The following FOSL2 variants were observed in gnomAD, a reference collection of about 807,000 sequenced individuals.
FOSL2 encodes the protein fos-related antigen 2.
In FOSL2, 3 loss-of-function variants were observed where a neutral mutation model predicts 27.7. That is an observed-to-expected ratio of 0.11 (90% CI 0.05 to 0.28). The LOEUF (loss-of-function observed/expected upper bound fraction) is 0.28. Among genes scored for constraint, FOSL2 ranks in the 10% least tolerant of loss-of-function variants. The pLI is 1.00. For synonymous variants in FOSL2, 179 were observed against 190.1 expected, an observed-to-expected ratio of 0.94 and a Z score of 0.48; for missense variants, 333 against 445.1, an observed-to-expected ratio of 0.75 and a Z score of 2.27.
rs1664124840 is a variant in FOSL2 at position 28,408,314 on chromosome 2, G to A, written c.355-445G>A. Among the ~76,000 whole-genome samples, 1 of 152,230 alleles carries A rather than the reference G, an allele frequency of 6.6e-6. No homozygotes were observed. Among genetic ancestry groups the A allele is most frequent in the Non-Finnish European group, 1.5e-5 (1 of 68,044 alleles). On this transcript the variant is annotated intron_variant, in intron 2 of 3. Coordinates refer to ENST00000264716, the MANE Select transcript of FOSL2 (RefSeq NM_005253.4). This position sits in a 1 kb window ranked among gnomAD's most constrained non-coding sequence, Gnocchi z 4.1. ...TAATGAGGCTTGCAGAGCAGGCAGA[G>A]TGATGGGAGGAGAAATTAGCCAGGG... is the stretch of plus-strand genomic sequence containing the variant.
At chr2:28,397,345 G>T (rs866646248) in intron 1 of FOSL2, among the ~76,000 whole-genome samples, 1 of 152,036 alleles carries the variant, frequency 6.6e-6, no homozygotes, top group Middle Eastern at 3.4e-3. Flanking sequence ...TTAGGAGGGG[G>T]CTTGTTCAGT....
Position 28,413,939 on chromosome 2 carries a change from G to T in FOSL2, c.*1491G>T. ...CCCCCTTTCACGGGGTTGGGGAAGG[G>T]TCCCCCTGGCCTCCAGCAGGAGCAC... On this transcript the variant is annotated 3_prime_UTR_variant, in exon 4 of 4. Transcript: ENST00000264716. The T allele has an allele frequency of 2.5e-6, 1 of 397,748 alleles. No individual in the cohort carries two copies. The highest frequency in any genetic ancestry group is 4.4e-5 in the Admixed American group (1 of 22,740). The allele number at this position is 397,748 out of a possible 1,614,324, so 24.6% of individuals were successfully genotyped here. A position where few individuals can be genotyped will look rare whatever the true frequency, so the allele number is the denominator to read the frequency against.
chr2:28,403,014 C>T (rs901373538), intron 1 of FOSL2, among the ~76,000 whole-genome samples: 3 of 152,122 alleles, frequency 2.0e-5, no homozygotes, highest in Admixed American at 1.3e-4. Context: ...CTTCATCTCA[C>T]CCAGTTTTTA....
intron 1 of FOSL2, among the ~76,000 whole-genome samples, chr2:28,398,265 A>G (rs1395500076): frequency 6.6e-6 from 1 of 152,230 alleles, no homozygotes; most frequent in Non-Finnish European, 1.5e-5. Flanking sequence ...AGGCAAATAT[A>G]TCTGTTCCAA....
Position 28,413,708 on chromosome 2 carries a change from C to A in FOSL2, c.*1260C>A. The A allele has an allele frequency of 2.5e-6, 1 of 399,168 alleles. No homozygotes were observed. Among genetic ancestry groups the A allele is most frequent in the Non-Finnish European group, 4.4e-6 (1 of 226,462 alleles). The allele number at this position is 399,168 out of a possible 1,614,324, so 24.7% of individuals were successfully genotyped here. On this transcript the variant is annotated 3_prime_UTR_variant, in exon 4 of 4. Transcript: ENST00000264716. ...CCTGCCCTCTGTGGTCATCTGCCAC[C>A]TGCTGGATCAAGTGCTTTCTCTTTT...
chr2:28,416,853 A>G lies in FOSL2; in HGVS notation c.*4405A>G, dbSNP rs1443398450. 1.3e-5 allele frequency: 2 copies of G among 151,908 alleles called. No individual in the cohort carries two copies. Among genetic ancestry groups the G allele is most frequent in the Non-Finnish European group, 2.9e-5 (2 of 68,020 alleles). The allele number at this position is 151,908 out of a possible 1,614,324, so 9.4% of individuals were successfully genotyped here. On this transcript the variant is annotated 3_prime_UTR_variant, in exon 4 of 4. Transcript: ENST00000264716. ...GTGCATCTGTATTTGAGATATGTTA[A>G]TGACGTGGAGTAAAGTCAGCTGTAA...
chr2:28,407,166 CCT>C (rs1179753624), intron 2 of FOSL2, among the ~76,000 whole-genome samples: 2 of 152,216 alleles, frequency 1.3e-5, no homozygotes, highest in African/African-American at 4.8e-5. Flanking sequence ...TTCTTTTCTG[CCT>C]CTCATTAGCG....
Position 28,393,139 on chromosome 2 carries a change from G to A in FOSL2, c.-582G>A, listed in dbSNP as rs1663711608. The A allele has an allele frequency of 9.0e-6, 3 of 332,674 alleles. No homozygotes were observed. The highest frequency in any genetic ancestry group is 6.4e-5 in the South Asian group (1 of 15,718). The allele number at this position is 332,674 out of a possible 1,614,324, so 20.6% of individuals were successfully genotyped here. A position where few individuals can be genotyped will look rare whatever the true frequency, so the allele number is the denominator to read the frequency against. On this transcript the variant is annotated 5_prime_UTR_variant, in exon 1 of 4. Coordinates refer to ENST00000264716, the MANE Select transcript of FOSL2 (RefSeq NM_005253.4). The surrounding 1 kb of genome is among the most constrained non-coding windows in gnomAD (Gnocchi z 4.6). Reference sequence around the variant, plus strand: ...GCTCGGGGCCGCGGGACGGGCGCACGCCGCCTTCTCCTAGTCAAGTATCCG... The same window carrying A: ...GCTCGGGGCCGCGGGACGGGCGCACACCGCCTTCTCCTAGTCAAGTATCCG...
At position 28,408,419 on chromosome 2, in the gene FOSL2, T is replaced by C. The variant is rs1572493485; in HGVS notation, c.355-340T>C. Among the ~76,000 whole-genome samples the C allele has an allele frequency of 1.3e-5, 2 of 152,304 alleles. No homozygotes were observed. Among genetic ancestry groups the C allele is most frequent in the East Asian group, 1.9e-4 (1 of 5,172 alleles). ...TCTTGGAGAAGCATCCCCAGCTCCT[T>C]CTCTCTGGCCTGAGCACTGAATCAG... On this transcript the variant is annotated intron_variant, in intron 2 of 3. Coordinates refer to ENST00000264716, the MANE Select transcript of FOSL2 (RefSeq NM_005253.4). The surrounding 1 kb of genome is among the most constrained non-coding windows in gnomAD (Gnocchi z 4.1).
At position 28,393,044 on chromosome 2, in the gene FOSL2, G is replaced by T; in HGVS notation, c.-677G>T. 1.9e-6 allele frequency: 1 copy of T among 530,126 alleles called. No individual in the cohort carries two copies. The highest frequency in any genetic ancestry group is 3.4e-6 in the Non-Finnish European group (1 of 294,790). The allele number at this position is 530,126 out of a possible 1,614,324, so 32.8% of individuals were successfully genotyped here. A position where few individuals can be genotyped will look rare whatever the true frequency, so the allele number is the denominator to read the frequency against. ...GGGGTGCGGGTCTGGGCGCCGGAGC[G>T]GGGAGCGGGGCCGCGTCCCTCTCAG... On this transcript the variant is annotated 5_prime_UTR_variant, in exon 1 of 4. Coordinates refer to ENST00000264716, the MANE Select transcript of FOSL2 (RefSeq NM_005253.4). This position sits in a 1 kb window ranked among gnomAD's most constrained non-coding sequence, Gnocchi z 4.6.
At position 28,411,436 on chromosome 2, in the gene FOSL2, CA is replaced by C. The variant is rs569173870; in HGVS notation, c.463-493del. ...GCAGATCTCTGCAGTACTCACCCCT[CA>C]GGGGTACCGAGGGGGCAGTCCTGGC... On this transcript the variant is annotated intron_variant, in intron 3 of 3. Transcript: ENST00000264716. Among the ~76,000 whole-genome samples the C allele has an allele frequency of 5.0e-3, 756 of 152,258 alleles. 3 individuals are homozygous for C. Among genetic ancestry groups the C allele is most frequent in the Non-Finnish European group, 5.6e-3 (382 of 68,008 alleles).
intron 2 of FOSL2, among the ~76,000 whole-genome samples, chr2:28,407,397 G>GGATTGTCCTCTCTGGTGCTGTGAT (rs1664105826): frequency 6.6e-6 from 1 of 152,200 alleles, no homozygotes; most frequent in Non-Finnish European, 1.5e-5. Flanking sequence ...GACAGGCATG[G>GGATTGTCCTCTCTGGTGCTGTGAT]GATTGTCCTC....
rs150394904 is a variant in FOSL2 at position 28,404,543 on chromosome 2, G to T, written c.354+185G>T. ...AGCTGGAGAGCCAAGACTCAGGCTG[G>T]CTCTGTCATCTCGCTTATGTCCCTT... On this transcript the variant is annotated intron_variant, in intron 2 of 3. Coordinates refer to ENST00000264716, the MANE Select transcript of FOSL2 (RefSeq NM_005253.4). The surrounding 1 kb of genome is among the most constrained non-coding windows in gnomAD (Gnocchi z 4.7). Among the ~76,000 whole-genome samples the T allele has an allele frequency of 1.1e-3, 165 of 152,276 alleles. 1 individual carries two copies. The highest frequency in any genetic ancestry group is 3.8e-3 in the African/African-American group (156 of 41,548).
intron 3 of FOSL2, among the ~76,000 whole-genome samples, chr2:28,411,229 C>G (rs1664191388): frequency 6.6e-6 from 1 of 151,928 alleles, no homozygotes; most frequent in Admixed American, 6.6e-5. Context: ...ATTTGCTGAG[C>G]ACTTCTGAGA....
At chr2:28,407,002 C>T (rs1018836871) in intron 2 of FOSL2, among the ~76,000 whole-genome samples, 3 of 152,206 alleles carry the variant, frequency 2.0e-5, no homozygotes, top group Admixed American at 6.5e-5. Context: ...GTTGATCTCA[C>T]CGCCCCTGAA....
chr2:28,399,062 T>C (rs1420565178), intron 1 of FOSL2, among the ~76,000 whole-genome samples: 11 of 152,222 alleles, frequency 7.2e-5, no homozygotes, highest in South Asian at 6.2e-4. Context: ...GAAAGGGTTC[T>C]TAAAGGGAAA....
At chr2:28,406,476 G>T (rs6547850) in intron 2 of FOSL2, among the ~76,000 whole-genome samples, 72,856 of 152,006 alleles carry the variant, frequency 0.48, 18,730 homozygotes, top group African/African-American at 0.65. Flanking sequence ...TACAGACAAG[G>T]AAACGGAGAC....
At chr2:28,409,549 A>G (rs1664149802) in intron 3 of FOSL2, among the ~76,000 whole-genome samples, 1 of 151,912 alleles carries the variant, frequency 6.6e-6, no homozygotes, top group African/African-American at 2.4e-5. Context: ...GACCTGACCA[A>G]CGTCACGTAA....
At chr2:28,409,751 T>A (rs1234748506) in intron 3 of FOSL2, among the ~76,000 whole-genome samples, 1 of 152,180 alleles carries the variant, frequency 6.6e-6, no homozygotes, top group African/African-American at 2.4e-5. Context: ...GTTATTATAA[T>A]TTTTTTGAGA....
Sources: gnomAD v4.1 joint callset for allele counts (sites outside exome capture counted in the v4.1 genomes callset) on GRCh38, gnomAD v4.1.1 for gene constraint, Gnocchi (gnomAD v3.1) non-coding constraint, MANE v1.5 for transcripts, NCBI Gene and HGNC (gene_info 2026-07-23, HGNC 2026-07-21) for gene names.